The following CSMD3 variants were observed in gnomAD, a reference collection of about 807,000 sequenced individuals.
The protein encoded by CSMD3 is CUB and sushi domain-containing protein 3.
In CSMD3, 177 loss-of-function variants were observed where a neutral mutation model predicts 435.2. The observed-to-expected ratio is 0.41, with a 90% confidence interval of 0.36 to 0.46. The LOEUF (loss-of-function observed/expected upper bound fraction) is 0.46. CSMD3 is among the 20% of genes least tolerant of loss of function. The probability of loss-of-function intolerance (pLI) is 0.34; values close to 1 mark genes in which losing one functional copy is unlikely to be tolerated. For missense variants in CSMD3, 4,265 were observed against 4,504.6 expected, an observed-to-expected ratio of 0.95 and a Z score of 1.52; for synonymous variants, 1,656 against 1,520.5, an observed-to-expected ratio of 1.09 and a Z score of -2.07.
At chr8:112,639,321 T>C (rs566591074) in intron 20 of CSMD3, among the ~76,000 whole-genome samples, 35 of 152,160 alleles carry the variant, frequency 2.3e-4, no homozygotes, top group Non-Finnish European at 4.3e-4. Context: ...TTATAGCACT[T>C]AACTTCCAAA....
chr8:112,235,371 A>G (rs1813470038), intron 67 of CSMD3, among the ~76,000 whole-genome samples: 1 of 152,092 alleles, frequency 6.6e-6, no homozygotes, highest in Non-Finnish European at 1.5e-5. Context: ...GTGACAGAGC[A>G]AGACTCTGCC....
intron 4 of CSMD3, among the ~76,000 whole-genome samples, chr8:113,107,585 CA>C (rs1193138975): frequency 6.6e-6 from 1 of 152,188 alleles, no homozygotes; most frequent in Non-Finnish European, 1.5e-5. Context: ...ATTTTCCAAC[CA>C]TGTTTCATTG....
intron 3 of CSMD3, among the ~76,000 whole-genome samples, chr8:113,259,432 A>T (rs2093408967): frequency 6.6e-6 from 1 of 152,172 alleles, no homozygotes; most frequent in African/African-American, 2.4e-5. Context: ...ATCCCTTCAG[A>T]AGCTTGAACA....
intron 6 of CSMD3, among the ~76,000 whole-genome samples, chr8:112,985,142 C>T (rs1405850949): frequency 6.6e-6 from 1 of 151,962 alleles, no homozygotes; most frequent in Non-Finnish European, 1.5e-5. Context: ...TAGGAAAACA[C>T]AGCTGTGGAA....
chr8:112,264,602 G>A (rs1218997791), intron 60 of CSMD3, among the ~76,000 whole-genome samples: 2 of 151,964 alleles, frequency 1.3e-5, no homozygotes, highest in African/African-American at 2.4e-5. Flanking sequence ...GTCTGCTCAT[G>A]TATTTTCATT....
intron 3 of CSMD3, among the ~76,000 whole-genome samples, chr8:113,237,412 C>A (rs779115511): frequency 5.1e-4 from 78 of 152,156 alleles, no homozygotes; most frequent in South Asian, 6.2e-4. Flanking sequence ...AATTGGTATT[C>A]CTCACTAGGA....
intron 3 of CSMD3, among the ~76,000 whole-genome samples, chr8:113,245,386 C>T (rs987118004): frequency 1.3e-5 from 2 of 151,902 alleles, no homozygotes; most frequent in Non-Finnish European, 2.9e-5. Flanking sequence ...CCTATTATAT[C>T]ATTTTAATTT....
At chr8:112,613,970 T>C (rs998257209) in intron 22 of CSMD3, among the ~76,000 whole-genome samples, 1 of 152,110 alleles carries the variant, frequency 6.6e-6, no homozygotes, top group Non-Finnish European at 1.5e-5. Context: ...ATTTTGTTTT[T>C]ATTTAAAAAC....
At position 113,398,648 on chromosome 8, in the gene CSMD3, G is replaced by A. The variant is rs562388271; in HGVS notation, c.178+38029C>T. On this transcript the variant is annotated intron_variant, in intron 1 of 70. Transcript: ENST00000297405. Reference sequence around the variant, plus strand: ...CATCATGTACTGCTTCACTCATTCTGCATTACTTTACTGTTCTTCTAAAAT... The same window carrying A: ...CATCATGTACTGCTTCACTCATTCTACATTACTTTACTGTTCTTCTAAAAT... Among the ~76,000 whole-genome samples the A allele has an allele frequency of 3.3e-5, 5 of 152,034 alleles. No homozygotes were observed. In the South Asian group the frequency reaches 1.0e-3, roughly 32 times the overall value.
chr8:113,019,186 T>A lies in CSMD3; in HGVS notation c.918-7A>T, dbSNP rs1178758712. 1 of 1,584,036 alleles carries A rather than the reference T, an allele frequency of 6.3e-7. No homozygotes were observed. Among genetic ancestry groups the A allele is most frequent in the South Asian group, 1.1e-5 (1 of 90,482 alleles). ...TATATTCATTCCAGATAACCTGAAT[T>A]ACAAAAGACAACAACAAAAAAATTT... is the stretch of plus-strand genomic sequence containing the variant. On this transcript the variant is annotated splice_polypyrimidine_tract_variant and splice_region_variant and intron_variant, in intron 5 of 70. Coordinates refer to ENST00000297405, the MANE Select transcript of CSMD3 (RefSeq NM_198123.2).
chr8:112,332,369 G>A (rs1473131610), intron 45 of CSMD3, among the ~76,000 whole-genome samples: 3 of 152,128 alleles, frequency 2.0e-5, no homozygotes, highest in Admixed American at 6.6e-5. Context: ...GAAACCAAGA[G>A]TATTTATGAT....
intron 6 of CSMD3, among the ~76,000 whole-genome samples, chr8:112,981,750 A>G (rs2085061339): frequency 6.6e-6 from 1 of 151,704 alleles, no homozygotes; most frequent in Non-Finnish European, 1.5e-5. Flanking sequence ...AAGGATCTCA[A>G]ATTATGAATT....
chr8:113,274,891 GGAGGCA>G (rs2093557688), intron 3 of CSMD3, among the ~76,000 whole-genome samples: 1 of 150,536 alleles, frequency 6.6e-6, no homozygotes, highest in African/African-American at 2.4e-5. Flanking sequence ...AGGGAGGGAG[GGAGGCA>G]GAGAAATAAA....
chr8:112,703,740 G>A lies in CSMD3; in HGVS notation c.1973-13690C>T, dbSNP rs183667751. Among the ~76,000 whole-genome samples the A allele has an allele frequency of 5.9e-5, 9 of 152,190 alleles. No individual in the cohort carries two copies. In the East Asian group the frequency reaches 1.7e-3, roughly 29 times the overall value. On this transcript the variant is annotated intron_variant, in intron 13 of 70. Transcript: ENST00000297405. ...TTACCTCAGCAACGGGTTTACAAAG[G>A]TTGTGAAATATAGAATCATGCAGCT... is the stretch of plus-strand genomic sequence containing the variant.
At chr8:113,053,620 T>C (rs1476498482) in intron 5 of CSMD3, among the ~76,000 whole-genome samples, 8 of 152,042 alleles carry the variant, frequency 5.3e-5, no homozygotes, top group African/African-American at 1.9e-4. Context: ...AAGTGAAAAT[T>C]GAATTATAAT....
At chr8:113,239,498 T>TTATCTATCATC (rs1554584189) in intron 3 of CSMD3, among the ~76,000 whole-genome samples, 93 of 149,118 alleles carry the variant, frequency 6.2e-4, no homozygotes, top group African/African-American at 2.2e-3. Flanking sequence ...GTATGTAGTT[T>TTATCTATCATC]TATCTATCTA....
At chr8:112,301,354 C>A (rs1323923341) in intron 53 of CSMD3, among the ~76,000 whole-genome samples, 1 of 151,786 alleles carries the variant, frequency 6.6e-6, no homozygotes, top group Non-Finnish European at 1.5e-5. Flanking sequence ...TAGTTTTATG[C>A]ATGTTGAAAT....
intron 59 of CSMD3, among the ~76,000 whole-genome samples, chr8:112,277,885 C>T (rs530950723): frequency 6.6e-6 from 1 of 152,102 alleles, no homozygotes; most frequent in Non-Finnish European, 1.5e-5. Flanking sequence ...GAAACTGCCC[C>T]ATGATTAAAT....
At chr8:113,099,333 T>C (rs1344661974) in intron 4 of CSMD3, among the ~76,000 whole-genome samples, 1 of 152,064 alleles carries the variant, frequency 6.6e-6, no homozygotes, top group Non-Finnish European at 1.5e-5. Flanking sequence ...TGGGAAATCT[T>C]TGATCACTTT....
Sources: gnomAD v4.1 joint callset for allele counts (sites outside exome capture counted in the v4.1 genomes callset) on GRCh38, gnomAD v4.1.1 for gene constraint, MANE v1.5 for transcripts, NCBI Gene and HGNC (gene_info 2026-07-23, HGNC 2026-07-21) for gene names.